Variants in PLG observed in about 807,000 individuals in gnomAD.
The protein encoded by PLG is plasmin.
Under a neutral mutation model 104.4 loss-of-function variants are expected in PLG, and 41 were observed. The ratio of observed to expected loss-of-function variants is 0.39; its 90% CI spans 0.31 to 0.51. PLG has a LOEUF of 0.51. Ranked by LOEUF, PLG falls within the 20% of genes least tolerant of loss-of-function variation. PLG has a pLI of 0.76. For missense variants in PLG, 891 were observed against 1,003.6 expected, an observed-to-expected ratio of 0.89 and a Z score of 1.52; for synonymous variants, 337 against 357.1, an observed-to-expected ratio of 0.94 and a Z score of 0.63.
intron 10 of PLG, chr6:160,730,801 T>G: frequency 2.5e-6 from 1 of 406,400 alleles, no homozygotes; most frequent in Non-Finnish European, 4.5e-6. Flanking sequence ...TGTTTATGTA[T>G]GATCTGAGTT....
At chr6:160,706,313 A>G (rs1777522243) in intron 1 of PLG, 94 bp from the exon 2 acceptor site, 3 of 1,535,010 alleles carry the variant, frequency 2.0e-6, no homozygotes, top group Non-Finnish European at 2.7e-6. Flanking sequence ...TTATTTGGTT[A>G]ATGCTAACCA....
chr6:160,716,628 C>A lies in PLG; in HGVS notation c.669-17C>A, dbSNP rs777541699. The A allele has an allele frequency of 7.1e-7, 1 of 1,401,678 alleles. No individual in the cohort carries two copies. Among genetic ancestry groups the A allele is most frequent in the Non-Finnish European group, 1.0e-6 (1 of 985,978 alleles). 86.8% of individuals were successfully genotyped at this position (1,401,678 alleles called of 1,614,324 possible). On this transcript the variant is annotated splice_polypyrimidine_tract_variant and intron_variant, in intron 6 of 18. Transcript: ENST00000308192. ...TGTAAATGTTCAGTGCTACTAAAAT[C>A]TTTCTTGTCCATTCAGATTTCCAAA...
At chr6:160,745,884 C>T (rs1003676467) in intron 17 of PLG, among the ~76,000 whole-genome samples, 18 of 152,144 alleles carry the variant, frequency 1.2e-4, no homozygotes, top group Admixed American at 9.2e-4. Flanking sequence ...TTCTCTGTTG[C>T]TTAGGAAGCT....
Position 160,741,489 on chromosome 6 carries a change from T to C in PLG, c.2125+72T>C. The C allele has an allele frequency of 1.0e-6, 1 of 954,664 alleles. No homozygotes were observed. The highest frequency in any genetic ancestry group is 1.3e-5 in the South Asian group (1 of 75,674). The allele number at this position is 954,664 out of a possible 1,614,324, so 59.1% of individuals were successfully genotyped here. A position where few individuals can be genotyped will look rare whatever the true frequency, so the allele number is the denominator to read the frequency against. On this transcript the variant is annotated intron_variant, in intron 17 of 18. Transcript: ENST00000308192. The surrounding 1 kb of genome is among the most constrained non-coding windows in gnomAD (Gnocchi z 4.7). Reference sequence around the variant, plus strand: ...AGTCCATGTGACAAAATGATCATTTTGGAGAAAGCTGTGCAAATTCCTATC... The same window carrying C: ...AGTCCATGTGACAAAATGATCATTTCGGAGAAAGCTGTGCAAATTCCTATC...
At chr6:160,715,023 A>T in intron 6 of PLG, 109 bp downstream of exon 6, 1 of 1,118,942 alleles carries the variant, frequency 8.9e-7, no homozygotes, top group Admixed American at 1.9e-5. Context: ...TGAACGCCTG[A>T]TGTTTTTAAT....
rs550667817 is a variant in PLG at position 160,753,990 on chromosome 6, T to A, written c.*929T>A. ...CAACAGTCATCTTACAGCAGAGAAA[T>A]GCAGAGAAAAGCAAAACTGCAAGTG... is the stretch of plus-strand genomic sequence containing the variant. On this transcript the variant is annotated 3_prime_UTR_variant, in exon 19 of 19. Transcript: ENST00000308192. The surrounding 1 kb of genome is among the most constrained non-coding windows in gnomAD (Gnocchi z 5.4). Among the ~76,000 whole-genome samples, 3 of 152,346 alleles carry A rather than the reference T, an allele frequency of 2.0e-5. No individual in the cohort carries two copies. Among genetic ancestry groups the A allele is most frequent in the East Asian group, 3.9e-4 (2 of 5,188 alleles).
chr6:160,718,628 C>A, intron 8 of PLG, 65 bp from the exon 9 acceptor site: 1 of 1,544,228 alleles, frequency 6.5e-7, no homozygotes, highest in Non-Finnish European at 9.0e-7. Flanking sequence ...CGGTTGTTCT[C>A]AAAGCGTGGT....
chr6:160,708,253 AC>A (rs1562371416), intron 3 of PLG: 1 of 154,788 alleles, frequency 6.5e-6, no homozygotes, highest in Non-Finnish European at 1.4e-5. Context: ...AGATTGGGAC[AC>A]AAATCTTATT....
chr6:160,703,930 G>A (rs573509685), intron 1 of PLG, among the ~76,000 whole-genome samples: 16 of 152,260 alleles, frequency 1.1e-4, no homozygotes, highest in South Asian at 6.2e-4. Flanking sequence ...TGCAATGCCC[G>A]GGGAGAGGGA....
Position 160,738,483 on chromosome 6 carries a change from T to A in PLG, c.1803-55T>A. 3.8e-6 allele frequency: 4 copies of A among 1,054,358 alleles called. No individual in the cohort carries two copies. The highest frequency in any genetic ancestry group is 6.0e-6 in the Non-Finnish European group (4 of 668,650). 65.3% of individuals were successfully genotyped at this position (1,054,358 alleles called of 1,614,324 possible). A position where few individuals can be genotyped will look rare whatever the true frequency, so the allele number is the denominator to read the frequency against. On this transcript the variant is annotated intron_variant, in intron 14 of 18. Coordinates refer to ENST00000308192, the MANE Select transcript of PLG (RefSeq NM_000301.5). This position sits in a 1 kb window ranked among gnomAD's most constrained non-coding sequence, Gnocchi z 6.8. ...CGTGTCTTTCTGGCTTTCTGTACAA[T>A]GGAGCAGAACAAAGTATCAATTTAA... is the stretch of plus-strand genomic sequence containing the variant.
intron 17 of PLG, among the ~76,000 whole-genome samples, chr6:160,743,349 G>T (rs1291823443): frequency 6.6e-6 from 1 of 152,040 alleles, no homozygotes; most frequent in Non-Finnish European, 1.5e-5. Flanking sequence ...GCAGTGTTTT[G>T]TAATTCTTAT....
chr6:160,747,318 G>A (rs1332092032), intron 17 of PLG, among the ~76,000 whole-genome samples: 1 of 152,168 alleles, frequency 6.6e-6, no homozygotes, highest in African/African-American at 2.4e-5. Context: ...ATACATTTTA[G>A]GGATTCTTTC....
chr6:160,708,610 G>T (rs992305759), intron 3 of PLG: 1 of 152,148 alleles, frequency 6.6e-6, no homozygotes, highest in Non-Finnish European at 1.5e-5. Context: ...TATTAAGACT[G>T]TTAATAGTAA....
At position 160,752,848 on chromosome 6, in the gene PLG, T is replaced by C. The variant is rs964842751; in HGVS notation, c.2272-52T>C. The C allele has an allele frequency of 3.7e-5, 59 of 1,590,510 alleles. No homozygotes were observed. Among genetic ancestry groups the C allele is most frequent in the Non-Finnish European group, 4.6e-5 (53 of 1,158,684 alleles). On this transcript the variant is annotated intron_variant, in intron 18 of 18. Coordinates refer to ENST00000308192, the MANE Select transcript of PLG (RefSeq NM_000301.5). The surrounding 1 kb of genome is among the most constrained non-coding windows in gnomAD (Gnocchi z 4.7). Reference sequence around the variant, plus strand: ...ATAGTAGAAGGATGGCATCCCATAATAAAAGGCAGGCAGCCTAACCCTCAC... The same window carrying C: ...ATAGTAGAAGGATGGCATCCCATAACAAAAGGCAGGCAGCCTAACCCTCAC...
At chr6:160,704,667 A>AT (rs1777484604) in intron 1 of PLG, among the ~76,000 whole-genome samples, 1 of 152,174 alleles carries the variant, frequency 6.6e-6, no homozygotes, top group Non-Finnish European at 1.5e-5. Flanking sequence ...TTTTTAGTGG[A>AT]TTAGCTTTAG....
At position 160,732,074 on chromosome 6, in the gene PLG, G is replaced by A. The variant is rs927198505; in HGVS notation, c.1587+181G>A. Among the ~76,000 whole-genome samples, 3 of 152,136 alleles carry A rather than the reference G, an allele frequency of 2.0e-5. No individual in the cohort carries two copies. Among genetic ancestry groups the A allele is most frequent in the Non-Finnish European group, 2.9e-5 (2 of 68,026 alleles). On this transcript the variant is annotated intron_variant, in intron 12 of 18. Transcript: ENST00000308192. The surrounding 1 kb of genome is among the most constrained non-coding windows in gnomAD (Gnocchi z 4.5). ...GCTAGAATATAATTGGCCTTAGTAT[G>A]GAAAGTACAAGCAGCACAGGCCAGG...
intron 9 of PLG, 39 bp from the exon 10 acceptor site, chr6:160,722,369 A>C (rs773855126): frequency 6.6e-7 from 1 of 1,522,342 alleles, no homozygotes; most frequent in Non-Finnish European, 9.1e-7. Context: ...CTTTTTTTTC[A>C]GTAATTGTTA....
At position 160,707,809 on chromosome 6, in the gene PLG, G is replaced by A. The variant is rs766434416; in HGVS notation, c.292+3G>A. On this transcript the variant is annotated splice_donor_region_variant and intron_variant, in intron 3 of 18. Coordinates refer to ENST00000308192, the MANE Select transcript of PLG (RefSeq NM_000301.5). ...TGTAGTTTTATTTGAAAAGAAAGGTGAGTACATTTTCTTCCTCCTCCTCCT... is the reference window on the plus strand; with the variant it reads ...TGTAGTTTTATTTGAAAAGAAAGGTAAGTACATTTTCTTCCTCCTCCTCCT... The A allele has an allele frequency of 6.2e-7, 1 of 1,605,272 alleles. No individual in the cohort carries two copies. The highest frequency in any genetic ancestry group is 8.5e-7 in the Non-Finnish European group (1 of 1,173,872).
chr6:160,746,645 C>G (rs1263908153), intron 17 of PLG, among the ~76,000 whole-genome samples: 1 of 152,216 alleles, frequency 6.6e-6, no homozygotes, highest in Non-Finnish European at 1.5e-5. Flanking sequence ...TTTCAGCCAG[C>G]TCAGCCTTGT....
Sources: gnomAD v4.1 joint callset for allele counts (sites outside exome capture counted in the v4.1 genomes callset) on GRCh38, gnomAD v4.1.1 for gene constraint, Gnocchi (gnomAD v3.1) non-coding constraint, MANE v1.5 for transcripts, NCBI Gene and HGNC (gene_info 2026-07-23, HGNC 2026-07-21) for gene names.